MICALL2: variants seen among roughly 807,000 people sequenced by gnomAD.
MICALL2 encodes the protein MICAL-like protein 2.
Under a neutral mutation model 91.1 loss-of-function variants are expected in MICALL2, and 111 were observed. The ratio of observed to expected loss-of-function variants is 1.22; its 90% confidence interval spans 1.04 to 1.43. The LOEUF (loss-of-function observed/expected upper bound fraction) is 1.43. Among genes scored for constraint, MICALL2 ranks in the 40% most tolerant of loss-of-function variants. The probability of loss-of-function intolerance (pLI) is 0.00; values close to 1 mark genes in which losing one functional copy is unlikely to be tolerated. For missense variants in MICALL2, 1,556 were observed against 1,236.0 expected, an observed-to-expected ratio of 1.26 and a Z score of -3.88; for synonymous variants, 694 against 525.3, an observed-to-expected ratio of 1.32 and a Z score of -4.39.
At chr7:1,437,299 T>C (rs770369931) in intron 14 of MICALL2, 165 of 501,804 alleles carry the variant, frequency 3.3e-4, no homozygotes, top group Middle Eastern at 2.2e-3. Flanking sequence ...AGGTGGGTGC[T>C]ACAAGCATCC....
At chr7:1,456,231 G>A (rs1441419646) in intron 1 of MICALL2, among the ~76,000 whole-genome samples, 1 of 147,238 alleles carries the variant, frequency 6.8e-6, no homozygotes, top group Admixed American at 6.7e-5. Context: ...GACCAGCCTG[G>A]GCAATATAGC....
chr7:1,437,552 C>T lies in MICALL2; in HGVS notation c.2459G>A (p.Arg820Gln), dbSNP rs1328750256. Residue 820 changes from arginine (R) to glutamine (Q), a missense_variant, in exon 14 of 17, where the codon CGG becomes CAG. By Grantham distance (43) the Arg-to-Gln change is conservative. Transcript: ENST00000297508. The part of the protein sequence containing the change: ...QQLDIEGELR[R>Q]LMAKPEALKS... ...GGACGCACCGGGCTTGGCCATGAGC[C>T]GGCGCAGCTCGCCCTCGATGTCCAG... 4.6e-6 allele frequency: 7 copies of T among 1,530,512 alleles called. No homozygotes were observed. The highest frequency in any genetic ancestry group is 1.4e-5 in the African/African-American group (1 of 72,016). The allele number at this position is 1,530,512 out of a possible 1,614,324, so 94.8% of individuals were successfully genotyped here. A position where few individuals can be genotyped will look rare whatever the true frequency, so the allele number is the denominator to read the frequency against.
Position 1,452,177 on chromosome 7 carries a change from G to A in MICALL2, c.144-1889C>T, listed in dbSNP as rs946311774. Reference sequence around the variant, plus strand: ...GTCTGCACAGGCGGAGCTTCTGCACGCCGGACAAGATGGGGCGCGGACTCC... The same window carrying A: ...GTCTGCACAGGCGGAGCTTCTGCACACCGGACAAGATGGGGCGCGGACTCC... On this transcript the variant is annotated intron_variant, in intron 1 of 16. Transcript: ENST00000297508. The surrounding 1 kb of genome is among the most constrained non-coding windows in gnomAD (Gnocchi z 6.2). Among the ~76,000 whole-genome samples, 27 of 152,200 alleles carry A rather than the reference G, an allele frequency of 1.8e-4. No individual in the cohort carries two copies. Among genetic ancestry groups the A allele is most frequent in the African/African-American group, 5.8e-4 (24 of 41,442 alleles).
In MICALL2 at chr7:1,437,420, A is replaced by G. The variant is rs1012035241; in HGVS notation, c.2476+115T>C. The G allele has an allele frequency of 1.9e-5, 17 of 891,876 alleles. No individual in the cohort carries two copies. In the South Asian group the frequency reaches 2.5e-4, roughly 13 times the overall value. 55.2% of individuals were successfully genotyped at this position (891,876 alleles called of 1,614,324 possible). A position where few individuals can be genotyped will look rare whatever the true frequency, so the allele number is the denominator to read the frequency against. On this transcript the variant is annotated intron_variant, in intron 14 of 16. Coordinates refer to ENST00000297508, the MANE Select transcript of MICALL2 (RefSeq NM_182924.4). ...CTCAAACGTGGGCTCGCCTGGCTCC[A>G]GGGAAGGTCTCACCACCAGGACAGT...
At chr7:1,439,538 C>G (rs909967060) in intron 9 of MICALL2, 2 of 208,058 alleles carry the variant, frequency 9.6e-6, no homozygotes, top group Admixed American at 1.2e-4. Context: ...GACACATGGA[C>G]ACGCATCACA....
At chr7:1,456,988 C>T (rs1287014271) in intron 1 of MICALL2, among the ~76,000 whole-genome samples, 1 of 152,190 alleles carries the variant, frequency 6.6e-6, no homozygotes, top group Non-Finnish European at 1.5e-5. Flanking sequence ...TGTTTTCTCA[C>T]GGCTCTGGAG....
intron 4 of MICALL2, 45 bp downstream of exon 4, chr7:1,447,530 G>A: frequency 1.6e-6 from 2 of 1,262,954 alleles, no homozygotes; most frequent in South Asian, 1.5e-5. Context: ...GCACCCCCCG[G>A]TGGAAAACCC....
Position 1,437,290 on chromosome 7 carries a change from G to A in MICALL2, c.2476+245C>T, listed in dbSNP as rs1780020397. 8 of 544,488 alleles carry A rather than the reference G, an allele frequency of 1.5e-5. No individual in the cohort carries two copies. In the South Asian group the frequency reaches 2.0e-4, roughly 14 times the overall value. The allele number at this position is 544,488 out of a possible 1,614,324, so 33.7% of individuals were successfully genotyped here. A position where few individuals can be genotyped will look rare whatever the true frequency, so the allele number is the denominator to read the frequency against. ...TTTAATCCTCACAACAGCTGCGTGA[G>A]GTGGGTGCTACAAGCATCCTCACTT... On this transcript the variant is annotated intron_variant, in intron 14 of 16. Coordinates refer to ENST00000297508, the MANE Select transcript of MICALL2 (RefSeq NM_182924.4).
rs570234203 is a variant in MICALL2, at chr7:1,448,607, G to C, written c.334+13C>G. ...TGGTCCTGCCTGGCTCGGCGGGCGC[G>C]GCAGGGACTCACTGGGGGAGCGGCC... On this transcript the variant is annotated intron_variant, in intron 3 of 16. Transcript: ENST00000297508. 9.3e-6 allele frequency: 15 copies of C among 1,612,310 alleles called. No homozygotes were observed. Among genetic ancestry groups the C allele is most frequent in the Non-Finnish European group, 1.2e-5 (14 of 1,179,720 alleles).
intron 1 of MICALL2, among the ~76,000 whole-genome samples, chr7:1,457,037 G>GCCTA (rs1469799854): frequency 6.6e-6 from 1 of 152,202 alleles, no homozygotes; most frequent in Non-Finnish European, 1.5e-5. Context: ...GGGCCTTGCT[G>GCCTA]CCTAAGGAGG....
At chr7:1,440,489 C>G in intron 8 of MICALL2, 102 bp downstream of exon 8, 9 of 1,047,334 alleles carry the variant, frequency 8.6e-6, no homozygotes, top group South Asian at 1.3e-5. Flanking sequence ...GGAGGTGCGT[C>G]TATCCCTGGA....
intron 2 of MICALL2, among the ~76,000 whole-genome samples, chr7:1,449,445 G>C (rs1171137076): frequency 6.6e-6 from 1 of 152,248 alleles, no homozygotes; most frequent in Non-Finnish European, 1.5e-5. Context: ...GAATAGCTGG[G>C]ATTACAGGTG....
chr7:1,439,833 A>C, intron 9 of MICALL2, 92 bp downstream of exon 9: 1 of 1,124,514 alleles, frequency 8.9e-7, no homozygotes, highest in Non-Finnish European at 1.2e-6. Context: ...ACACCCCAGG[A>C]GGTGGCACTA....
intron 5 of MICALL2, 24 bp from the exon 6 acceptor site, chr7:1,445,452 C>T: frequency 2.0e-6 from 3 of 1,484,954 alleles, no homozygotes; most frequent in East Asian, 5.0e-5. Flanking sequence ...GGCACAGGAG[C>T]CCCAGCTCGG....
chr7:1,437,444 G>C, intron 14 of MICALL2, 91 bp downstream of exon 14: 3 of 1,186,216 alleles, frequency 2.5e-6, no homozygotes, highest in Non-Finnish European at 3.4e-6. Flanking sequence ...CACCAGGACA[G>C]TCAGGTGGCC....
At chr7:1,438,674 A>G (rs1014395912) in intron 10 of MICALL2, 166 bp downstream of exon 10, 5 of 1,445,124 alleles carry the variant, frequency 3.5e-6, no homozygotes, top group East Asian at 2.4e-5. Context: ...TAGGGTCTCT[A>G]TTCATGAGGG....
At chr7:1,455,095 G>A (rs981208949) in intron 1 of MICALL2, among the ~76,000 whole-genome samples, 8 of 152,196 alleles carry the variant, frequency 5.3e-5, no homozygotes, top group African/African-American at 1.2e-4. Flanking sequence ...CCTGCTGGAC[G>A]GCTTCCTGCG....
chr7:1,434,827 G>A, intron 16 of MICALL2, 155 bp from the exon 17 acceptor site: 1 of 828,420 alleles, frequency 1.2e-6, no homozygotes. Context: ...CCTCCCACGT[G>A]AGAACCTGCC....
Position 1,434,532 on chromosome 7 carries a change from G to T in MICALL2, c.*64C>A. On this transcript the variant is annotated 3_prime_UTR_variant, in exon 17 of 17. Transcript: ENST00000297508. The stretch of plus-strand genomic sequence containing the variant: ...AGTCCGGGTTCCGGGTCCGGGCCAA[G>T]CCCATGGCCCCGAGTCCAAGTCCGG... The T allele has an allele frequency of 7.0e-7, 1 of 1,436,496 alleles. No individual in the cohort carries two copies. Among genetic ancestry groups the T allele is most frequent in the Non-Finnish European group, 9.8e-7 (1 of 1,018,772 alleles). 89.0% of individuals were successfully genotyped at this position (1,436,496 alleles called of 1,614,324 possible). A position where few individuals can be genotyped will look rare whatever the true frequency, so the allele number is the denominator to read the frequency against.
Sources: allele counts gnomAD v4.1 joint callset (sites outside exome capture counted in the v4.1 genomes callset), GRCh38; gene constraint gnomAD v4.1.1; non-coding constraint Gnocchi (gnomAD v3.1); transcripts MANE v1.5; gene names NCBI Gene and HGNC (gene_info 2026-07-23, HGNC 2026-07-21).